The following DNMT3A variants were observed in gnomAD, a reference collection of about 807,000 sequenced individuals.
DNMT3A encodes the protein DNA (cytosine-5)-methyltransferase 3A.
DNMT3A carries 267 observed loss-of-function variants against 117.6 expected under a neutral mutation model. That is an observed-to-expected ratio of 2.27 (90% CI 2.05 to 2.51). The LOEUF is 2.51. Among genes scored for constraint, DNMT3A ranks in the 30% most tolerant of loss-of-function variants. The pLI, the probability that DNMT3A is intolerant of heterozygous loss-of-function variation, is 0.00. For synonymous variants in DNMT3A, 432 were observed against 474.8 expected, an observed-to-expected ratio of 0.91 and a Z score of 1.17; for missense variants, 1,029 against 1,260.2, an observed-to-expected ratio of 0.82 and a Z score of 2.78.
At chr2:25,274,164 C>T (rs2031192189) in intron 6 of DNMT3A, among the ~76,000 whole-genome samples, 1 of 152,206 alleles carries the variant, frequency 6.6e-6, no homozygotes, top group Admixed American at 6.5e-5. Flanking sequence ...ATGGCACAAC[C>T]ATCACCAGGT....
intron 1 of DNMT3A, among the ~76,000 whole-genome samples, chr2:25,323,949 G>A (rs979048449): frequency 1.7e-4 from 26 of 152,184 alleles, no homozygotes; most frequent in African/African-American, 6.3e-4. Flanking sequence ...GCCAGGCACA[G>A]TCCAGGTCCA....
At chr2:25,315,342 A>G (rs1342265287) in intron 1 of DNMT3A, among the ~76,000 whole-genome samples, 2 of 152,138 alleles carry the variant, frequency 1.3e-5, no homozygotes, top group Admixed American at 1.3e-4. Context: ...CCCAGGGGGT[A>G]GTGGGAGGAA....
rs2149385688 is a variant in DNMT3A, at chr2:25,286,561, T to C, written c.178-3850A>G. 6.6e-6 allele frequency among the ~76,000 whole-genome samples: 1 copy of C among 152,290 alleles called. No individual in the cohort carries two copies. Among genetic ancestry groups the C allele is most frequent in the Admixed American group, 6.5e-5 (1 of 15,292 alleles). Reference sequence around the variant, plus strand: ...TTCTGGGATTTGGGGGGGAGGGCAATGACTTCTGCCACGCTCAACCCTTGA... The same window carrying C: ...TTCTGGGATTTGGGGGGGAGGGCAACGACTTCTGCCACGCTCAACCCTTGA... On this transcript the variant is annotated intron_variant, in intron 3 of 22. Coordinates refer to ENST00000321117, the MANE Select transcript of DNMT3A (RefSeq NM_022552.5). The surrounding 1 kb of genome is among the most constrained non-coding windows in gnomAD (Gnocchi z 4.3).
At chr2:25,299,868 T>C (rs1573454276) in intron 3 of DNMT3A, among the ~76,000 whole-genome samples, 1 of 151,696 alleles carries the variant, frequency 6.6e-6, no homozygotes, top group Non-Finnish European at 1.5e-5. Flanking sequence ...GAGGTGGAGG[T>C]TGCAGTAAGC....
chr2:25,240,864 C>T (rs1222866313), intron 17 of DNMT3A, 134 bp from the exon 18 acceptor site: 2 of 788,414 alleles, frequency 2.5e-6, no homozygotes, highest in Non-Finnish European at 4.1e-6. Flanking sequence ...GCTCTGCAGG[C>T]TCACGACCCT....
chr2:25,236,874 C>T lies in DNMT3A; in HGVS notation c.2478+62G>A. On this transcript the variant is annotated intron_variant, in intron 21 of 22. Coordinates refer to ENST00000321117, the MANE Select transcript of DNMT3A (RefSeq NM_022552.5). This position sits in a 1 kb window ranked among gnomAD's most constrained non-coding sequence, Gnocchi z 4.5. Reference sequence around the variant, plus strand: ...CGGGACAAGGCCCTGGCCACCGCTCCACCTCATCCTGCCCTTCCTTCTCCC... The same window carrying T: ...CGGGACAAGGCCCTGGCCACCGCTCTACCTCATCCTGCCCTTCCTTCTCCC... The T allele has an allele frequency of 6.5e-7, 1 of 1,545,770 alleles. No homozygotes were observed. The highest frequency in any genetic ancestry group is 2.3e-5 in the East Asian group (1 of 43,726).
chr2:25,301,515 G>A (rs761944738), intron 2 of DNMT3A, among the ~76,000 whole-genome samples: 5 of 151,942 alleles, frequency 3.3e-5, no homozygotes, highest in South Asian at 2.1e-4. Context: ...TTTACTCCCC[G>A]CCCCTCACAT....
chr2:25,291,262 C>T (rs1191569460), intron 3 of DNMT3A, among the ~76,000 whole-genome samples: 6 of 152,236 alleles, frequency 3.9e-5, no homozygotes, highest in South Asian at 2.1e-4. Context: ...TGCATGTCCA[C>T]GTAAGCAGGG....
intron 14 of DNMT3A, 21 bp downstream of exon 14, chr2:25,244,519 T>C: frequency 6.2e-7 from 1 of 1,612,294 alleles, no homozygotes; most frequent in Non-Finnish European, 8.5e-7. Context: ...AGGAGACCAC[T>C]GGAGGCCACA....
chr2:25,304,690 G>A lies in DNMT3A; in HGVS notation c.73-4447C>T, dbSNP rs893740560. Among the ~76,000 whole-genome samples the A allele has an allele frequency of 3.9e-5, 6 of 152,346 alleles. No individual in the cohort carries two copies. Among genetic ancestry groups the A allele is most frequent in the African/African-American group, 9.6e-5 (4 of 41,586 alleles). On this transcript the variant is annotated intron_variant, in intron 2 of 22. Transcript: ENST00000321117. The surrounding 1 kb of genome is among the most constrained non-coding windows in gnomAD (Gnocchi z 4.3). ...AAGCTCCTCAGCTCATGTGCAGGGC[G>A]GTCCCCAGGATTTGGCTGGATCGCC...
At chr2:25,333,688 TC>T (rs1264855679) in intron 1 of DNMT3A, among the ~76,000 whole-genome samples, 2 of 152,056 alleles carry the variant, frequency 1.3e-5, no homozygotes, top group East Asian at 3.9e-4. Context: ...TTTGTGGGGG[TC>T]ACCCTAACCA....
At chr2:25,313,260 G>A (rs2034212080) in intron 2 of DNMT3A, among the ~76,000 whole-genome samples, 1 of 151,862 alleles carries the variant, frequency 6.6e-6, no homozygotes, top group African/African-American at 2.4e-5. Flanking sequence ...AGGGTGGAGA[G>A]GCCACCCCCA....
Position 25,282,346 on chromosome 2 carries a change from C to A in DNMT3A, c.448+95G>T, listed in dbSNP as rs752187461. 2.0e-6 allele frequency: 3 copies of A among 1,533,148 alleles called. No homozygotes were observed. The African/African-American group carries it at 4.1e-5, about 21-fold the overall frequency. The allele number at this position is 1,533,148 out of a possible 1,614,324, so 95.0% of individuals were successfully genotyped here. On this transcript the variant is annotated intron_variant, in intron 4 of 22. Transcript: ENST00000321117. The surrounding 1 kb of genome is among the most constrained non-coding windows in gnomAD (Gnocchi z 5.2). The stretch of plus-strand genomic sequence containing the variant: ...AGCAGACCTTTAGCCACGACCCAGA[C>A]CATCCTTCCTGGGACCTGCTGGAGA...
intron 4 of DNMT3A, among the ~76,000 whole-genome samples, chr2:25,279,408 G>C (rs956590874): frequency 5.3e-5 from 8 of 152,194 alleles, no homozygotes; most frequent in African/African-American, 1.9e-4. Context: ...CGGGGCCTTA[G>C]TCTCCTTCCT....
intron 15 of DNMT3A, 42 bp from the exon 16 acceptor site, chr2:25,244,024 G>GT (rs1674406748): frequency 6.4e-7 from 1 of 1,551,484 alleles, no homozygotes; most frequent in South Asian, 1.2e-5. Context: ...GCCCAGCGGT[G>GT]TCCCAAGCTC....
intron 1 of DNMT3A, among the ~76,000 whole-genome samples, chr2:25,328,199 C>A (rs2034858974): frequency 6.6e-6 from 1 of 152,190 alleles, no homozygotes; most frequent in Non-Finnish European, 1.5e-5. Context: ...TGAATTATAT[C>A]TTAAAGCTAT....
chr2:25,312,014 G>A (rs2034147141), intron 2 of DNMT3A, among the ~76,000 whole-genome samples: 1 of 152,084 alleles, frequency 6.6e-6, no homozygotes, highest in Admixed American at 6.5e-5. Context: ...GGAGGAGTTT[G>A]TCCCAGCTGT....
At chr2:25,290,602 G>A (rs569421815) in intron 3 of DNMT3A, among the ~76,000 whole-genome samples, 5 of 152,322 alleles carry the variant, frequency 3.3e-5, no homozygotes, top group East Asian at 1.9e-4. Flanking sequence ...GATTACAGGC[G>A]TGAGCCACCA....
In DNMT3A at chr2:25,235,838, G is replaced by A. The variant is rs762150845; in HGVS notation, c.2479-13C>T. 3 of 1,605,762 alleles carry A rather than the reference G, an allele frequency of 1.9e-6. No individual in the cohort carries two copies. Among genetic ancestry groups the A allele is most frequent in the South Asian group, 2.2e-5 (2 of 90,874 alleles). On this transcript the variant is annotated splice_polypyrimidine_tract_variant and intron_variant, in intron 21 of 22. Coordinates refer to ENST00000321117, the MANE Select transcript of DNMT3A (RefSeq NM_022552.5). ...TCACTTTGCTGAACTAGATGAAGAG[G>A]AGAAAAGAGGAATAAGCACGAATTC... is the stretch of plus-strand genomic sequence containing the variant.
Sources: allele counts gnomAD v4.1 joint callset (sites outside exome capture counted in the v4.1 genomes callset), GRCh38; gene constraint gnomAD v4.1.1; non-coding constraint Gnocchi (gnomAD v3.1); transcripts MANE v1.5; gene names NCBI Gene and HGNC (gene_info 2026-07-23, HGNC 2026-07-21).